TRPC1: variants seen among roughly 807,000 people sequenced by gnomAD.
The protein encoded by TRPC1 is transient receptor potential cation channel subfamily C member 1.
A neutral mutation model predicts 88.2 loss-of-function variants in TRPC1; 42 were observed. That is an observed-to-expected ratio of 0.48 (90% CI 0.37 to 0.62). TRPC1 has a LOEUF of 0.62. Among genes scored for constraint, TRPC1 ranks in the 20% least tolerant of loss-of-function variants. The pLI is 0.00. For synonymous variants in TRPC1, 288 were observed against 331.8 expected, an observed-to-expected ratio of 0.87 and a Z score of 1.43; for missense variants, 699 against 957.3, an observed-to-expected ratio of 0.73 and a Z score of 3.56.
intron 3 of TRPC1, among the ~76,000 whole-genome samples, chr3:142,747,972 A>G (rs1934619756): frequency 6.6e-6 from 1 of 152,166 alleles, no homozygotes; most frequent in Admixed American, 6.5e-5. Context: ...TTTCCCTAAG[A>G]TATTTCTCTA....
intron 4 of TRPC1, among the ~76,000 whole-genome samples, chr3:142,756,988 T>C (rs1934993510): frequency 2.0e-5 from 3 of 152,232 alleles, no homozygotes; most frequent in Admixed American, 6.5e-5. Context: ...TGTCTTTCTG[T>C]GCTTGGCTTA....
At chr3:142,777,535 T>A (rs574858484) in intron 4 of TRPC1, 97 bp from the exon 5 acceptor site, 227 of 719,492 alleles carry the variant, frequency 3.2e-4, no homozygotes, top group Middle Eastern at 2.7e-3. Context: ...TTTAATTTTA[T>A]AATATTTTAA....
At chr3:142,752,375 G>T (rs878921800) in intron 4 of TRPC1, among the ~76,000 whole-genome samples, 1 of 152,270 alleles carries the variant, frequency 6.6e-6, no homozygotes, top group African/African-American at 2.4e-5. Flanking sequence ...GTGCACGTAG[G>T]CCAGATTTAT....
chr3:142,802,301 G>A lies in TRPC1; in HGVS notation c.1714G>A (p.Val572Ile), dbSNP rs116638646. ...GYTSKEQKDC[V>I]GIFCEQQSND... ...TACTTCAAAGGAGCAGAAGGACTGTGTAGGCATCTTCTGTGAACAGCAAAG... is the reference window on the plus strand; with the variant it reads ...TACTTCAAAGGAGCAGAAGGACTGTATAGGCATCTTCTGTGAACAGCAAAG... Residue 572 changes from valine to isoleucine, a missense_variant, in exon 10 of 13, where the codon GTA becomes ATA. Val to Ile is a conservative substitution (Grantham distance 29). This residue lies in a region of TRPC1 where 426 missense variants were observed against 641.3 expected (regional missense o/e 0.66). Coordinates refer to ENST00000476941, the MANE Select transcript of TRPC1 (RefSeq NM_001251845.2). The A allele has an allele frequency of 2.6e-6, 4 of 1,554,652 alleles. No homozygotes were observed. Among genetic ancestry groups the A allele is most frequent in the African/African-American group, 1.4e-5 (1 of 72,178 alleles).
chr3:142,766,036 T>TAA (rs141184123), intron 4 of TRPC1, among the ~76,000 whole-genome samples: 2 of 143,550 alleles, frequency 1.4e-5, no homozygotes, highest in South Asian at 2.2e-4. Flanking sequence ...TATTAAGAAG[T>TAA]AAAAAAAAAA....
intron 4 of TRPC1, among the ~76,000 whole-genome samples, chr3:142,756,273 G>A (rs1934958338): frequency 6.6e-6 from 1 of 151,956 alleles, no homozygotes; most frequent in Non-Finnish European, 1.5e-5. Context: ...GGAATTTCTG[G>A]GTGTGTTAAC....
At chr3:142,742,300 A>G (rs1357814285) in intron 2 of TRPC1, among the ~76,000 whole-genome samples, 1 of 152,216 alleles carries the variant, frequency 6.6e-6, no homozygotes, top group African/African-American at 2.4e-5. Context: ...TAATAATGCT[A>G]GGACTTTAAA....
At chr3:142,756,681 G>A (rs1322450313) in intron 4 of TRPC1, among the ~76,000 whole-genome samples, 1 of 152,072 alleles carries the variant, frequency 6.6e-6, no homozygotes, top group Non-Finnish European at 1.5e-5. Flanking sequence ...TTCTAATTCT[G>A]CCACATACTT....
intron 2 of TRPC1, among the ~76,000 whole-genome samples, chr3:142,741,133 C>T (rs1472983326): frequency 3.3e-5 from 5 of 151,462 alleles, no homozygotes; most frequent in East Asian, 1.9e-4. Flanking sequence ...AATAAAGAAT[C>T]GTCAAATATC....
intron 4 of TRPC1, among the ~76,000 whole-genome samples, chr3:142,764,893 A>C (rs1230148837): frequency 6.6e-6 from 1 of 152,048 alleles, no homozygotes; most frequent in Non-Finnish European, 1.5e-5. Flanking sequence ...GAATTCTTAC[A>C]TTTGGTCTTT....
chr3:142,775,798 T>G (rs751769678), intron 4 of TRPC1, among the ~76,000 whole-genome samples: 4 of 152,140 alleles, frequency 2.6e-5, no homozygotes, highest in Non-Finnish European at 5.9e-5. Flanking sequence ...GAAAAGATGC[T>G]CAGGCATCTA....
chr3:142,758,463 GCCCATTGTAAAATCAGATTATTTAT>G (rs1351670601), intron 4 of TRPC1, among the ~76,000 whole-genome samples: 1 of 152,010 alleles, frequency 6.6e-6, no homozygotes, highest in Non-Finnish European at 1.5e-5. Context: ...CAGATCTTTT[GCCCATTGTAAAATCAGATTATTTAT>G]TTTTGGTTTT....
At position 142,734,201 on chromosome 3, in the gene TRPC1, C is replaced by G. The variant is rs1320896751; in HGVS notation, c.173-2178C>G. ...TGTTGTCTTGGGGTTCAAATTAATA[C>G]TACTTTCAGATAATTAAACTGTCAT... On this transcript the variant is annotated intron_variant, in intron 1 of 12. Coordinates refer to ENST00000476941, the MANE Select transcript of TRPC1 (RefSeq NM_001251845.2). 2.6e-5 allele frequency among the ~76,000 whole-genome samples: 4 copies of G among 152,192 alleles called. No homozygotes were observed. The East Asian group carries it at 7.7e-4, about 29-fold the overall frequency.
chr3:142,800,812 G>C (rs1936595708), intron 9 of TRPC1, among the ~76,000 whole-genome samples: 1 of 151,860 alleles, frequency 6.6e-6, no homozygotes, highest in Non-Finnish European at 1.5e-5. Flanking sequence ...CAGCTACTTG[G>C]GAGGCTAAGG....
At chr3:142,729,686 C>A (rs1263157297) in intron 1 of TRPC1, among the ~76,000 whole-genome samples, 1 of 152,076 alleles carries the variant, frequency 6.6e-6, no homozygotes, top group Admixed American at 6.5e-5. Flanking sequence ...CCTCTTCTAC[C>A]TTGCTGCCAG....
chr3:142,759,998 G>T (rs969755625), intron 4 of TRPC1, among the ~76,000 whole-genome samples: 1 of 151,968 alleles, frequency 6.6e-6, no homozygotes, highest in African/African-American at 2.4e-5. Flanking sequence ...TAATTTTTTT[G>T]TATTTTTTTA....
chr3:142,725,804 A>G (rs1392292128), intron 1 of TRPC1, among the ~76,000 whole-genome samples: 1 of 152,232 alleles, frequency 6.6e-6, no homozygotes, highest in Admixed American at 6.5e-5. Context: ...TGTGTAATTA[A>G]TAAATGACAG....
chr3:142,798,538 C>T (rs1936520012), intron 9 of TRPC1, among the ~76,000 whole-genome samples: 1 of 152,190 alleles, frequency 6.6e-6, no homozygotes, highest in Non-Finnish European at 1.5e-5. Flanking sequence ...AGAAGCCTGC[C>T]TGGCAAAGGA....
chr3:142,757,994 A>G (rs1457387433), intron 4 of TRPC1, among the ~76,000 whole-genome samples: 1 of 152,166 alleles, frequency 6.6e-6, no homozygotes, highest in Non-Finnish European at 1.5e-5. Context: ...ATAATGTACA[A>G]TAATAAATGT....
Sources: gnomAD v4.1 joint callset for allele counts (sites outside exome capture counted in the v4.1 genomes callset) on GRCh38, gnomAD v4.1.1 for gene constraint, gnomAD v4.1.1 regional missense constraint, MANE v1.5 for transcripts, NCBI Gene and HGNC (gene_info 2026-07-23, HGNC 2026-07-21) for gene names.